The following SYT6 variants were observed in gnomAD, a reference collection of about 807,000 sequenced individuals.
The protein encoded by SYT6 is synaptotagmin-6.
SYT6 carries 24 observed loss-of-function variants against 38.4 expected under a neutral mutation model. The ratio of observed to expected loss-of-function variants is 0.62; its 90% CI spans 0.45 to 0.88. The LOEUF is 0.88. Ranked by LOEUF, SYT6 falls within the 40% of genes least tolerant of loss-of-function variation. The pLI, the probability that SYT6 is intolerant of heterozygous loss-of-function variation, is 0.00. For synonymous variants in SYT6, 265 were observed against 241.9 expected (o/e 1.10, Z -0.89); for missense variants, 611 against 621.0 (o/e 0.98, Z 0.17).
At chr1:114,118,110 G>T (rs1416095116) in intron 3 of SYT6, among the ~76,000 whole-genome samples, 1 of 152,342 alleles carries the variant, frequency 6.6e-6, no homozygotes, top group East Asian at 1.9e-4. Context: ...CAGGAAGGAG[G>T]GAGCATGGGG....
intron 1 of SYT6, among the ~76,000 whole-genome samples, chr1:114,145,185 AT>A (rs1290114173): frequency 2.0e-5 from 3 of 152,174 alleles, no homozygotes; most frequent in Non-Finnish European, 4.4e-5. Flanking sequence ...AAGAAATCAA[AT>A]TTTTAATATA....
intron 3 of SYT6, among the ~76,000 whole-genome samples, chr1:114,114,797 G>A (rs1332834932): frequency 6.6e-6 from 1 of 152,206 alleles, no homozygotes; most frequent in African/African-American, 2.4e-5. Flanking sequence ...TAATGCAACT[G>A]AAGTCATTAA....
At chr1:114,122,964 A>T (rs6683573) in intron 3 of SYT6, among the ~76,000 whole-genome samples, 4 of 151,750 alleles carry the variant, frequency 2.6e-5, no homozygotes, top group African/African-American at 9.7e-5. Context: ...GCTTGTCAGC[A>T]TTAGAATCCT....
At chr1:114,113,400 C>G (rs1382893954) in intron 3 of SYT6, among the ~76,000 whole-genome samples, 2 of 152,192 alleles carry the variant, frequency 1.3e-5, no homozygotes, top group Non-Finnish European at 2.9e-5. Flanking sequence ...CCACTCATGG[C>G]TCCTGAGTTT....
chr1:114,153,287 G>T (rs549068035), intron 1 of SYT6, among the ~76,000 whole-genome samples: 20 of 152,328 alleles, frequency 1.3e-4, no homozygotes, highest in African/African-American at 4.8e-4. Flanking sequence ...CAAATCGCCC[G>T]CAGAGCGAGC....
intron 3 of SYT6, among the ~76,000 whole-genome samples, chr1:114,123,048 C>T (rs1677516513): frequency 6.6e-6 from 1 of 152,224 alleles, no homozygotes. Flanking sequence ...TCCTTCCTGC[C>T]TTTTTGCTTC....
At chr1:114,117,278 G>A (rs1677054399) in intron 3 of SYT6, among the ~76,000 whole-genome samples, 1 of 152,240 alleles carries the variant, frequency 6.6e-6, no homozygotes, top group African/African-American at 2.4e-5. Context: ...ACCACGGGGA[G>A]AGCACGGCCA....
At chr1:114,128,535 A>G (rs1677885572) in intron 3 of SYT6, among the ~76,000 whole-genome samples, 1 of 152,156 alleles carries the variant, frequency 6.6e-6, no homozygotes. Flanking sequence ...AAATTCCCCC[A>G]GAATAACACG....
At chr1:114,129,563 CTTTTCTTT>C (rs1471976485) in intron 3 of SYT6, among the ~76,000 whole-genome samples, 13 of 124,464 alleles carry the variant, frequency 1.0e-4, no homozygotes, top group Non-Finnish European at 2.0e-4. Flanking sequence ...TTTTTTCTTT[CTTTTCTTT>C]CTTTCTTTCT....
At chr1:114,134,821 G>A (rs569256275) in intron 3 of SYT6, among the ~76,000 whole-genome samples, 10 of 152,186 alleles carry the variant, frequency 6.6e-5, no homozygotes, top group African/African-American at 1.7e-4. Flanking sequence ...TGTTGGCTGC[G>A]CTCATCTCAT....
At chr1:114,138,098 A>G (rs1557764034) in intron 2 of SYT6, 45 bp from the exon 3 acceptor site, 1 of 1,553,928 alleles carries the variant, frequency 6.4e-7, no homozygotes, top group South Asian at 1.2e-5. Flanking sequence ...GTCAGGGCTC[A>G]GGGGAAGGGG....
rs1310612733 is a variant in SYT6 at position 114,090,288 on chromosome 1, C to T, written c.*1846G>A. On this transcript the variant is annotated 3_prime_UTR_variant, in exon 8 of 8. Transcript: ENST00000610222. ...TGTAGGACTACCAGACTAGGAAGGC[C>T]TGTCAATGACAAGATATCTGGGGAG... 2.0e-5 allele frequency: 3 copies of T among 152,344 alleles called. No homozygotes were observed. The highest frequency in any genetic ancestry group is 2.9e-5 in the Non-Finnish European group (2 of 68,040). The allele number at this position is 152,344 out of a possible 1,614,324, so 9.4% of individuals were successfully genotyped here.
At chr1:114,115,427 T>C (rs1676934310) in intron 3 of SYT6, among the ~76,000 whole-genome samples, 1 of 151,982 alleles carries the variant, frequency 6.6e-6, no homozygotes, top group Non-Finnish European at 1.5e-5. Flanking sequence ...TAACACTTTT[T>C]TTTTTTTTTT....
rs538180120 is a variant in SYT6, at chr1:114,118,470, G to T, written c.1072-14749C>A. Among the ~76,000 whole-genome samples, 9 of 152,338 alleles carry T rather than the reference G, an allele frequency of 5.9e-5. No homozygotes were observed. The South Asian group carries it at 1.9e-3, about 32-fold the overall frequency. On this transcript the variant is annotated intron_variant, in intron 3 of 7. Coordinates refer to ENST00000610222, the MANE Select transcript of SYT6 (RefSeq NM_001253772.2). ...CAGGGGTCGCCTGAGTGCCACAGCA[G>T]AAGTTTGCAGATCCTCCCTTTGGCT... is the stretch of plus-strand genomic sequence containing the variant.
At chr1:114,106,089 T>C (rs1225210191) in intron 3 of SYT6, among the ~76,000 whole-genome samples, 1 of 152,206 alleles carries the variant, frequency 6.6e-6, no homozygotes. Flanking sequence ...CCCTGTGCCC[T>C]GGCATGGGTC....
chr1:114,128,407 T>C (rs528665481), intron 3 of SYT6, among the ~76,000 whole-genome samples: 107 of 152,336 alleles, frequency 7.0e-4, no homozygotes, highest in African/African-American at 2.4e-3. Flanking sequence ...TACCTCCCTG[T>C]CCCAGCCCCA....
chr1:114,146,262 C>T (rs1679151273), intron 1 of SYT6, among the ~76,000 whole-genome samples: 4 of 152,188 alleles, frequency 2.6e-5, no homozygotes, highest in Admixed American at 2.0e-4. Context: ...AGATTCAGCT[C>T]ATTTAAAATC....
At chr1:114,124,064 C>A (rs1304295070) in intron 3 of SYT6, among the ~76,000 whole-genome samples, 1 of 152,168 alleles carries the variant, frequency 6.6e-6, no homozygotes, top group African/African-American at 2.4e-5. Flanking sequence ...AAGTGGCTTC[C>A]CCCTTCCTAT....
At chr1:114,126,361 G>T (rs1026063488) in intron 3 of SYT6, among the ~76,000 whole-genome samples, 3 of 152,238 alleles carry the variant, frequency 2.0e-5, no homozygotes, top group Admixed American at 6.5e-5. Context: ...CAAGTTGGTT[G>T]CTATTCTGGT....
Sources: allele counts gnomAD v4.1 joint callset (sites outside exome capture counted in the v4.1 genomes callset), GRCh38; gene constraint gnomAD v4.1.1; transcripts MANE v1.5; gene names NCBI Gene and HGNC (gene_info 2026-07-23, HGNC 2026-07-21).